CCND3: variants seen among roughly 807,000 people sequenced by gnomAD.
The protein encoded by CCND3 is cyclin D3.
In CCND3, 9 loss-of-function variants were observed where a neutral mutation model predicts 28.7. That is an observed-to-expected ratio of 0.31 (90% confidence interval 0.19 to 0.55). CCND3 has a LOEUF of 0.55. CCND3 is among the 20% of genes least tolerant of loss of function. The probability of loss-of-function intolerance (pLI) is 0.93; values close to 1 mark genes in which losing one functional copy is unlikely to be tolerated. For missense variants in CCND3, 315 were observed against 385.8 expected (o/e 0.82, Z 1.54); for synonymous variants, 164 against 163.9 (o/e 1.00, Z 0.00).
chr6:42,047,772 G>A (rs1764588628), intron 1 of CCND3, among the ~76,000 whole-genome samples: 1 of 152,184 alleles, frequency 6.6e-6, no homozygotes, highest in Admixed American at 6.5e-5. Context: ...TGTGGAATAA[G>A]TGCCCCCAAA....
intron 1 of CCND3, among the ~76,000 whole-genome samples, chr6:42,028,481 C>T (rs1763946454): frequency 6.6e-6 from 1 of 152,230 alleles, no homozygotes; most frequent in Non-Finnish European, 1.5e-5. Context: ...GACACCCTTA[C>T]CACCACGGTC....
At chr6:42,043,647 G>A (rs1238256199) in intron 1 of CCND3, among the ~76,000 whole-genome samples, 3 of 151,450 alleles carry the variant, frequency 2.0e-5, no homozygotes, top group South Asian at 4.2e-4. Context: ...GCAGTGAGCC[G>A]AGATCACGCC....
chr6:41,987,405 C>G (rs767523336), intron 1 of CCND3, among the ~76,000 whole-genome samples: 18 of 151,718 alleles, frequency 1.2e-4, no homozygotes, highest in Non-Finnish European at 2.5e-4. Context: ...TGGAGTACTT[C>G]TGCTTAACTT....
intron 1 of CCND3, among the ~76,000 whole-genome samples, chr6:42,005,972 G>A (rs1195590305): frequency 2.6e-5 from 4 of 151,808 alleles, no homozygotes; most frequent in African/African-American, 9.7e-5. Flanking sequence ...ATGAGCAACC[G>A]CGCCCAGCCT....
chr6:41,967,128 G>A (rs1243426222), intron 1 of CCND3, among the ~76,000 whole-genome samples: 5 of 152,050 alleles, frequency 3.3e-5, no homozygotes, highest in African/African-American at 1.2e-4. Context: ...ACATTTTTGA[G>A]GTTTTCTTTG....
intron 1 of CCND3, among the ~76,000 whole-genome samples, chr6:42,033,538 A>G (rs757021088): frequency 6.6e-6 from 1 of 151,882 alleles, no homozygotes; most frequent in Non-Finnish European, 1.5e-5. Context: ...ATGCATGTGT[A>G]TAAAATGAGT....
chr6:41,961,126 T>C (rs1761704325), intron 1 of CCND3, among the ~76,000 whole-genome samples: 1 of 152,182 alleles, frequency 6.6e-6, no homozygotes, highest in African/African-American at 2.4e-5. Flanking sequence ...CCATGAGATG[T>C]GGGGACATCG....
chr6:41,951,592 TG>T (rs1776320175), intron 1 of CCND3, among the ~76,000 whole-genome samples: 1 of 116,410 alleles, frequency 8.6e-6, no homozygotes, highest in Non-Finnish European at 1.8e-5. Context: ...AAAGATTAAG[TG>T]GGAGTAAGAA....
intron 1 of CCND3, among the ~76,000 whole-genome samples, chr6:42,037,063 C>T (rs901319586): frequency 6.6e-6 from 1 of 152,022 alleles, no homozygotes; most frequent in African/African-American, 2.4e-5. Flanking sequence ...CTCAGCCTCC[C>T]GAGTAGCTGG....
At chr6:42,009,762 G>A (rs952293867) in intron 1 of CCND3, among the ~76,000 whole-genome samples, 1 of 152,144 alleles carries the variant, frequency 6.6e-6, no homozygotes, top group African/African-American at 2.4e-5. Context: ...GGCCAAGATT[G>A]TGCCACTGAA....
At chr6:42,034,765 AT>A (rs1764155806) in intron 1 of CCND3, among the ~76,000 whole-genome samples, 1 of 152,086 alleles carries the variant, frequency 6.6e-6, no homozygotes, top group African/African-American at 2.4e-5. Flanking sequence ...GGCTTGAGCC[AT>A]TGCGCCTGGC....
chr6:42,004,448 T>C (rs1188381241), intron 1 of CCND3, among the ~76,000 whole-genome samples: 1 of 152,152 alleles, frequency 6.6e-6, no homozygotes, highest in East Asian at 1.9e-4. Context: ...TAACTCTATT[T>C]ATGGCTGGGC....
chr6:41,942,763 C>G (rs1305135803), upstream of CCND3, among the ~76,000 whole-genome samples: 1 of 152,102 alleles, frequency 6.6e-6, no homozygotes, highest in Non-Finnish European at 1.5e-5. Context: ...CGAAAAAGAC[C>G]TCCAATAATG....
intron 1 of CCND3, among the ~76,000 whole-genome samples, chr6:41,992,457 C>G (rs1013644830): frequency 1.6e-5 from 2 of 126,574 alleles, no homozygotes; most frequent in Non-Finnish European, 3.2e-5. Flanking sequence ...CCACCACACC[C>G]AGCCGGTTTT....
rs778979671 is a variant in CCND3 at position 41,941,553 on chromosome 6, G to C, written c.97C>G (p.Arg33Gly). 94 of 1,592,652 alleles carry C rather than the reference G, an allele frequency of 5.9e-5. No homozygotes were observed. The highest frequency in any genetic ancestry group is 2.7e-5 in the Non-Finnish European group (32 of 1,172,248). ...CGGGGTACGTAGCGCTCCTCCAGGC[G>C]GAGCAGGCTCTGCAGGACACGCTGG... ...GDQRVLQSLL[R>G]LEERYVPRAS... Residue 33 changes from arginine (R) to glycine (G), a missense_variant, in exon 1 of 5, where the codon CGC (arginine) becomes GGC (glycine). Coordinates refer to ENST00000372991, the MANE Select transcript of CCND3 (RefSeq NM_001760.5). This position sits in a 1 kb window ranked among gnomAD's most constrained non-coding sequence, Gnocchi z 6.1.
chr6:42,004,013 A>C (rs1180295942), intron 1 of CCND3, among the ~76,000 whole-genome samples: 1 of 151,666 alleles, frequency 6.6e-6, no homozygotes, highest in Non-Finnish European at 1.5e-5. Flanking sequence ...TATGATCAAT[A>C]AAAAGAAGAT....
At chr6:42,023,980 A>T (rs1300453287) in intron 1 of CCND3, among the ~76,000 whole-genome samples, 1 of 152,194 alleles carries the variant, frequency 6.6e-6, no homozygotes, top group Non-Finnish European at 1.5e-5. Flanking sequence ...AGGGCCAGGC[A>T]CTGTTCTGAG....
chr6:42,014,602 T>TGTCCTATGTCC (rs1324450448), intron 1 of CCND3, among the ~76,000 whole-genome samples: 3 of 152,100 alleles, frequency 2.0e-5, no homozygotes, highest in Non-Finnish European at 4.4e-5. Context: ...TGATCCCAGT[T>TGTCCTATGTCC]ACAGGAAAAT....
rs1246978131 is a variant in CCND3, at chr6:42,035,518, C to T, written c.-46+12983G>A. ...GAGTAGCTGGGACTACAGGTGCCCACTACCACGCCTGGCTAATTTTTTGTA... is the reference window on the plus strand; with the variant it reads ...GAGTAGCTGGGACTACAGGTGCCCATTACCACGCCTGGCTAATTTTTTGTA... On this transcript the variant is annotated intron_variant, in intron 1 of 4. Coordinates refer to the CCND3 transcript ENST00000372988. 3.3e-5 allele frequency among the ~76,000 whole-genome samples: 5 copies of T among 151,776 alleles called. No homozygotes were observed. In the East Asian group the frequency reaches 7.8e-4, roughly 24 times the overall value.
Sources: gnomAD v4.1 joint callset for allele counts (sites outside exome capture counted in the v4.1 genomes callset) on GRCh38, gnomAD v4.1.1 for gene constraint, Gnocchi (gnomAD v3.1) non-coding constraint, MANE v1.5 for transcripts, NCBI Gene and HGNC (gene_info 2026-07-23, HGNC 2026-07-21) for gene names.